RBFOX1: variants seen among roughly 807,000 people sequenced by gnomAD.
RBFOX1 encodes RNA binding protein fox-1 homolog 1.
In RBFOX1, 8 loss-of-function variants were observed where a neutral mutation model predicts 57.7. That is an observed-to-expected ratio of 0.14 (90% CI 0.08 to 0.25). RBFOX1 has a LOEUF of 0.25. Among genes scored for constraint, RBFOX1 ranks in the 10% least tolerant of loss-of-function variants. RBFOX1 has a pLI of 1.00. For missense variants in RBFOX1, 611 were observed against 548.5 expected, an observed-to-expected ratio of 1.11 and a Z score of -1.14; for synonymous variants, 326 against 222.4, an observed-to-expected ratio of 1.47 and a Z score of -4.15.
At chr16:7,498,120 C>T (rs886324775) in intron 4 of RBFOX1, among the ~76,000 whole-genome samples, 41 of 152,216 alleles carry the variant, frequency 2.7e-4, no homozygotes, top group Admixed American at 2.0e-3. Context: ...GGGGTTGATG[C>T]TGTAATTGTG....
chr16:7,022,447 C>T (rs562309258), intron 3 of RBFOX1, among the ~76,000 whole-genome samples: 2 of 152,176 alleles, frequency 1.3e-5, no homozygotes, highest in South Asian at 2.1e-4. Context: ...ACATTTCCCT[C>T]TGTCTCTCTG....
intron 4 of RBFOX1, among the ~76,000 whole-genome samples, chr16:7,410,029 C>G (rs371158115): frequency 6.6e-6 from 1 of 152,060 alleles, no homozygotes; most frequent in South Asian, 2.1e-4. Context: ...GTCCCTTCAG[C>G]TGCAATTAAA....
At chr16:6,984,799 C>A (rs535374874) in intron 3 of RBFOX1, among the ~76,000 whole-genome samples, 3 of 152,184 alleles carry the variant, frequency 2.0e-5, no homozygotes, top group African/African-American at 7.2e-5. Flanking sequence ...TGCCACCACA[C>A]CTGGCTAATT....
At chr16:6,919,597 AC>A (rs1316143277) in intron 3 of RBFOX1, among the ~76,000 whole-genome samples, 1 of 151,980 alleles carries the variant, frequency 6.6e-6, no homozygotes, top group Non-Finnish European at 1.5e-5. Flanking sequence ...TTTAAAGGAA[AC>A]CCTGGTATCT....
intron 2 of RBFOX1, among the ~76,000 whole-genome samples, chr16:6,465,463 C>T: frequency 6.6e-6 from 1 of 152,082 alleles, no homozygotes; most frequent in East Asian, 1.9e-4. Flanking sequence ...TGTCTGAGTT[C>T]AGCAGTTAGA....
At chr16:5,916,949 G>T (rs2058716575) in intron 4 of RBFOX1, among the ~76,000 whole-genome samples, 1 of 152,124 alleles carries the variant, frequency 6.6e-6, no homozygotes, top group African/African-American at 2.4e-5. Flanking sequence ...GCTAGTGGGT[G>T]TCTCCCCTGC....
chr16:7,344,513 G>A (rs2096957457), intron 4 of RBFOX1, among the ~76,000 whole-genome samples: 1 of 150,610 alleles, frequency 6.6e-6, no homozygotes, highest in Admixed American at 6.6e-5. Context: ...TATATATAAT[G>A]ATTAGATGAC....
At chr16:5,567,196 G>T (rs1401417252) in intron 2 of RBFOX1, among the ~76,000 whole-genome samples, 1 of 152,132 alleles carries the variant, frequency 6.6e-6, no homozygotes, top group Non-Finnish European at 1.5e-5. Flanking sequence ...CCATTTAGCT[G>T]TATCCCACAG....
chr16:6,222,400 G>T (rs910364349), intron 1 of RBFOX1, among the ~76,000 whole-genome samples: 2 of 152,020 alleles, frequency 1.3e-5, no homozygotes, highest in African/African-American at 4.8e-5. Context: ...AGACAAGAGT[G>T]ATGTACGTTT....
chr16:6,359,495 G>T (rs1249155828), intron 2 of RBFOX1, among the ~76,000 whole-genome samples: 1 of 152,156 alleles, frequency 6.6e-6, no homozygotes, highest in East Asian at 1.9e-4. Flanking sequence ...CTTAGGATGG[G>T]AGCACATTCT....
intron 3 of RBFOX1, among the ~76,000 whole-genome samples, chr16:6,887,954 G>A (rs1334886922): frequency 6.6e-6 from 1 of 152,154 alleles, no homozygotes; most frequent in South Asian, 2.1e-4. Flanking sequence ...GAGCCACCAC[G>A]CCTGTCCCAT....
intron 3 of RBFOX1, among the ~76,000 whole-genome samples, chr16:6,917,899 C>T (rs954545500): frequency 6.6e-5 from 10 of 152,126 alleles, no homozygotes; most frequent in Admixed American, 4.6e-4. Context: ...GAAAGAGGGA[C>T]AATGGAGACC....
chr16:6,149,218 T>A (rs894047414), intron 1 of RBFOX1, among the ~76,000 whole-genome samples: 8 of 152,258 alleles, frequency 5.3e-5, no homozygotes, highest in African/African-American at 1.9e-4. Flanking sequence ...TATGTGTGTG[T>A]GTGCGCGCGC....
chr16:6,572,892 C>G (rs2097365130), intron 2 of RBFOX1, among the ~76,000 whole-genome samples: 1 of 152,096 alleles, frequency 6.6e-6, no homozygotes, highest in African/African-American at 2.4e-5. Flanking sequence ...GCATGCCCAG[C>G]CATCAATAAA....
chr16:5,445,263 C>G (rs1268789185), intron 1 of RBFOX1, among the ~76,000 whole-genome samples: 2 of 152,160 alleles, frequency 1.3e-5, no homozygotes, highest in Non-Finnish European at 2.9e-5. Flanking sequence ...ATCAACAGGA[C>G]ATGGTATTTG....
chr16:6,806,611 G>GT (rs918788410), intron 3 of RBFOX1, among the ~76,000 whole-genome samples: 5 of 151,510 alleles, frequency 3.3e-5, no homozygotes, highest in African/African-American at 1.2e-4. Flanking sequence ...CACATCATTG[G>GT]TTTTTTAAAA....
intron 4 of RBFOX1, among the ~76,000 whole-genome samples, chr16:7,335,584 G>GAAAAAAAAA (rs959362612): frequency 2.7e-5 from 2 of 74,640 alleles, no homozygotes; most frequent in Non-Finnish European, 5.0e-5. Flanking sequence ...CTCAGATAAA[G>GAAAAAAAAA]AAAAAAAAAA....
At chr16:7,630,486 G>C in intron 10 of RBFOX1, 117 bp from the exon 11 acceptor site, 1 of 1,536,668 alleles carries the variant, frequency 6.5e-7, no homozygotes, top group Non-Finnish European at 8.7e-7. Flanking sequence ...CTTGTCCTGC[G>C]CTCTGGGATG....
chr16:7,409,685 A>G (rs1367863232), intron 4 of RBFOX1, among the ~76,000 whole-genome samples: 3 of 152,206 alleles, frequency 2.0e-5, no homozygotes, highest in Admixed American at 6.5e-5. Context: ...ATCCTTGGCT[A>G]TTCCCTTAAC....
Sources: allele counts gnomAD v4.1 joint callset (sites outside exome capture counted in the v4.1 genomes callset), GRCh38; gene constraint gnomAD v4.1.1; transcripts MANE v1.5; gene names NCBI Gene and HGNC (gene_info 2026-07-23, HGNC 2026-07-21).